The following PCDHA10 variants were observed in gnomAD, a reference collection of about 807,000 sequenced individuals.
PCDHA10 encodes protocadherin alpha-10.
A neutral mutation model predicts 61.2 loss-of-function variants in PCDHA10; 45 were observed. The observed-to-expected ratio is 0.74, with a 90% CI of 0.58 to 0.94. The LOEUF is 0.94. Among genes scored for constraint, PCDHA10 ranks in the 40% least tolerant of loss-of-function variants. The probability of loss-of-function intolerance (pLI) is 0.00; values close to 1 mark genes in which losing one functional copy is unlikely to be tolerated. For synonymous variants in PCDHA10, 602 were observed against 548.8 expected (o/e 1.10, Z -1.35); for missense variants, 1,278 against 1,236.2 (o/e 1.03, Z -0.51).
At chr5:140,947,998 T>C (rs2094201986) in intron 1 of PCDHA10, among the ~76,000 whole-genome samples, 1 of 122,112 alleles carries the variant, frequency 8.2e-6, no homozygotes, top group Admixed American at 8.2e-5. Flanking sequence ...AAATACTTTA[T>C]TAAATTTAGG....
intron 1 of PCDHA10, among the ~76,000 whole-genome samples, chr5:140,889,614 AT>A (rs1488109035): frequency 5.9e-5 from 9 of 151,496 alleles, no homozygotes; most frequent in Admixed American, 5.9e-4. Flanking sequence ...AATTATACTG[AT>A]TCATTTCTCT....
intron 1 of PCDHA10, chr5:140,876,598 G>T: frequency 6.2e-7 from 1 of 1,614,168 alleles, no homozygotes; most frequent in Non-Finnish European, 8.5e-7. Flanking sequence ...TAGCGTGTCG[G>T]ATCGTGACTC....
chr5:140,983,054 G>A (rs933321433), intron 3 of PCDHA10, among the ~76,000 whole-genome samples: 1 of 151,858 alleles, frequency 6.6e-6, no homozygotes. Flanking sequence ...GAAAATTATC[G>A]GAACCAAGGC....
At chr5:140,893,264 A>T (rs1554185566) in intron 1 of PCDHA10, among the ~76,000 whole-genome samples, 1 of 152,290 alleles carries the variant, frequency 6.6e-6, no homozygotes, top group African/African-American at 2.4e-5. Context: ...ATAAATGCCC[A>T]ATAGTGGAAT....
chr5:140,927,453 G>T, intron 1 of PCDHA10: 3 of 1,614,168 alleles, frequency 1.9e-6, no homozygotes, highest in Non-Finnish European at 2.5e-6. Context: ...AGTTGGTGTT[G>T]GAGAAAGCAC....
chr5:140,941,242 T>TC (rs1312617364), intron 1 of PCDHA10, among the ~76,000 whole-genome samples: 1 of 141,172 alleles, frequency 7.1e-6, no homozygotes, highest in East Asian at 2.0e-4. Flanking sequence ...TTTCTTTCTT[T>TC]CTTTCTTTCT....
intron 1 of PCDHA10, among the ~76,000 whole-genome samples, chr5:140,911,105 G>A (rs960375597): frequency 3.2e-4 from 48 of 152,082 alleles, no homozygotes; most frequent in African/African-American, 1.2e-3. Flanking sequence ...CTGCCTCAGG[G>A]GAAGCCATCA....
chr5:140,965,174 CT>C (rs1213439654), intron 1 of PCDHA10, among the ~76,000 whole-genome samples: 1 of 152,110 alleles, frequency 6.6e-6, no homozygotes, highest in East Asian at 1.9e-4. Context: ...TTAGTGAGTG[CT>C]TTTTTTGCAC....
intron 1 of PCDHA10, among the ~76,000 whole-genome samples, chr5:140,953,877 ACCCATCAC>A (rs1252251050): frequency 6.6e-6 from 1 of 152,098 alleles, no homozygotes; most frequent in Non-Finnish European, 1.5e-5. Context: ...GCACAGATCA[ACCCATCAC>A]CTAGGTATTA....
intron 1 of PCDHA10, among the ~76,000 whole-genome samples, chr5:140,951,465 C>G (rs1304466995): frequency 1.3e-5 from 2 of 151,966 alleles, no homozygotes; most frequent in Non-Finnish European, 2.9e-5. Context: ...TGCTTGGCTT[C>G]TGGGGAGCCT....
chr5:140,884,709 C>T (rs2060331114), intron 1 of PCDHA10: 1 of 1,477,632 alleles, frequency 6.8e-7, no homozygotes. Context: ...CTTTAGCCTT[C>T]CTTGCAGTTG....
At chr5:140,882,750 A>C (rs781948584) in intron 1 of PCDHA10, 3 of 1,614,128 alleles carry the variant, frequency 1.9e-6, no homozygotes, top group Non-Finnish European at 2.5e-6. Flanking sequence ...TCCGATGCAG[A>C]TATTGGAGTA....
At position 140,855,992 on chromosome 5, in the gene PCDHA10, T is replaced by C. The variant is rs2043714140; in HGVS notation, c.-57T>C. On this transcript the variant is annotated 5_prime_UTR_variant, in exon 1 of 4. Coordinates refer to ENST00000307360, the MANE Select transcript of PCDHA10 (RefSeq NM_018901.4). ...AAGAAATAGGACAGAAAATGTCAGATCGTATGTGCGTTCTAGACCGCTGAT... is the reference window on the plus strand; with the variant it reads ...AAGAAATAGGACAGAAAATGTCAGACCGTATGTGCGTTCTAGACCGCTGAT... The C allele has an allele frequency of 1.3e-6, 2 of 1,492,956 alleles. No homozygotes were observed. Among genetic ancestry groups the C allele is most frequent in the Admixed American group, 4.4e-5 (2 of 45,692 alleles). The allele number at this position is 1,492,956 out of a possible 1,614,324, so 92.5% of individuals were successfully genotyped here. A position where few individuals can be genotyped will look rare whatever the true frequency, so the allele number is the denominator to read the frequency against.
At chr5:140,863,013 C>A (rs1274171221) in intron 1 of PCDHA10, 1 of 552,838 alleles carries the variant, frequency 1.8e-6, no homozygotes, top group Admixed American at 1.9e-5. Flanking sequence ...AGCTATGACG[C>A]CTGGTTGTCG....
rs782421721 is a variant in PCDHA10, at chr5:140,966,807, C to T, written c.2389-12142C>T. Reference sequence around the variant, plus strand: ...ACCAGACCTGCGGCGACAGAGCATCCACGGCTCCGGCGGCCCATGCCCTGG... The same window carrying T: ...ACCAGACCTGCGGCGACAGAGCATCTACGGCTCCGGCGGCCCATGCCCTGG... On this transcript the variant is annotated intron_variant, in intron 1 of 3. Transcript: ENST00000307360. 3 of 1,547,208 alleles carry T rather than the reference C, an allele frequency of 1.9e-6. No homozygotes were observed. The South Asian group carries it at 3.6e-5, about 18-fold the overall frequency.
rs2150363917 is a variant in PCDHA10, at chr5:140,856,704, C to CAGT, written c.656_657insAGT (p.Pro219_Glu220insVal). The CAGT allele has an allele frequency of 6.3e-7, 1 of 1,596,654 alleles. No individual in the cohort carries two copies. Among genetic ancestry groups the CAGT allele is most frequent in the East Asian group, 2.2e-5 (1 of 44,864 alleles). ...TTGACAGCAACTGATGGAGGCAAAC[C>CAGT]TGAATTTACCGGATCTGTTTCTCTG... On this transcript the variant is annotated inframe_insertion, in exon 1 of 4. Transcript: ENST00000307360.
intron 1 of PCDHA10, among the ~76,000 whole-genome samples, chr5:140,895,617 G>T (rs782388218): frequency 6.6e-6 from 1 of 152,084 alleles, no homozygotes; most frequent in Non-Finnish European, 1.5e-5. Context: ...CTCATTGAGG[G>T]TGTTGTCTTT....
chr5:140,909,787 A>C (rs1299398218), intron 1 of PCDHA10, among the ~76,000 whole-genome samples: 2 of 152,156 alleles, frequency 1.3e-5, no homozygotes, highest in African/African-American at 4.8e-5. Flanking sequence ...ACCCACTCTA[A>C]GTCAGACTTC....
chr5:140,998,107 A>G (rs138517610), intron 3 of PCDHA10, among the ~76,000 whole-genome samples: 1 of 152,328 alleles, frequency 6.6e-6, no homozygotes, highest in Non-Finnish European at 1.5e-5. Flanking sequence ...AACAGAGGAG[A>G]AAATTTACTT....
Sources: gnomAD v4.1 joint callset for allele counts (sites outside exome capture counted in the v4.1 genomes callset) on GRCh38, gnomAD v4.1.1 for gene constraint, MANE v1.5 for transcripts, NCBI Gene and HGNC (gene_info 2026-07-23, HGNC 2026-07-21) for gene names.